Variants in MTRF1 observed in about 807,000 individuals in gnomAD.
MTRF1 encodes the protein mitochondrial translation release factor 1.
Under a neutral mutation model 62.9 loss-of-function variants are expected in MTRF1, and 51 were observed. The ratio of observed to expected loss-of-function variants is 0.81; its 90% CI spans 0.65 to 1.02. The LOEUF is 1.02. Among genes scored for constraint, MTRF1 ranks in the 50% least tolerant of loss-of-function variants. MTRF1 has a pLI of 0.00. For missense variants in MTRF1, 446 were observed against 530.0 expected (o/e 0.84, Z 1.56); for synonymous variants, 158 against 181.9 (o/e 0.87, Z 1.06).
intron 7 of MTRF1, 75 bp downstream of exon 7, chr13:41,233,815 A>C: frequency 8.5e-7 from 1 of 1,175,296 alleles, no homozygotes; most frequent in Non-Finnish European, 1.3e-6. Context: ...AGACACTCAT[A>C]TAGGACTATT....
At chr13:41,305,931 T>C in the MTRF1 span, among the ~76,000 whole-genome samples, 2 of 152,228 alleles carry the variant, frequency 1.3e-5, no homozygotes, top group Non-Finnish European at 2.9e-5. Flanking sequence ...TTTGTTTATG[T>C]GTTTATAATC....
the MTRF1 span, among the ~76,000 whole-genome samples, chr13:41,289,142 T>A: frequency 1.3e-5 from 2 of 152,036 alleles, no homozygotes; most frequent in Non-Finnish European, 2.9e-5. Context: ...TAAAAAAAAA[T>A]AATTTTTTTG....
In MTRF1 at chr13:41,255,198, A is replaced by G. The variant is rs750541045; in HGVS notation, c.416-578T>C. Among the ~76,000 whole-genome samples the G allele has an allele frequency of 2.6e-5, 4 of 152,194 alleles. No homozygotes were observed. The South Asian group carries it at 6.2e-4, about 24-fold the overall frequency. On this transcript the variant is annotated intron_variant, in intron 2 of 9. Transcript: ENST00000379480. ...ATTCTTAAAATCTCTTGATACATTC[A>G]TACTCAGTTCACATTGTTTTTTTTT... is the stretch of plus-strand genomic sequence containing the variant.
chr13:41,280,657 G>T, the MTRF1 span, among the ~76,000 whole-genome samples: 1 of 152,070 alleles, frequency 6.6e-6, no homozygotes, highest in Non-Finnish European at 1.5e-5. Context: ...AAACCAAGCT[G>T]TACCCTGACC....
At chr13:41,306,924 A>G in the MTRF1 span, among the ~76,000 whole-genome samples, 1 of 152,242 alleles carries the variant, frequency 6.6e-6, no homozygotes, top group African/African-American at 2.4e-5. Flanking sequence ...CCTGCTGTGA[A>G]ACACATTATC....
At chr13:41,219,492 A>C (rs1423172315) in intron 9 of MTRF1, among the ~76,000 whole-genome samples, 3 of 152,196 alleles carry the variant, frequency 2.0e-5, no homozygotes, top group African/African-American at 7.2e-5. Context: ...TAACAGTCTA[A>C]GTAGAACAGC....
the MTRF1 span, among the ~76,000 whole-genome samples, chr13:41,275,371 G>A: frequency 6.6e-6 from 1 of 151,650 alleles, no homozygotes; most frequent in Admixed American, 6.6e-5. Context: ...CGGCTAATTT[G>A]TTGTATTTTT....
At chr13:41,267,553 A>C (rs987252948), upstream of MTRF1, among the ~76,000 whole-genome samples, 1 of 152,194 alleles carries the variant, frequency 6.6e-6, no homozygotes, top group Non-Finnish European at 1.5e-5. Flanking sequence ...AAAAGGAAAA[A>C]TAAAAACTTT....
intron 1 of MTRF1, 107 bp from the exon 2 acceptor site, chr13:41,261,022 C>A: frequency 9.5e-7 from 1 of 1,056,920 alleles, no homozygotes; most frequent in Non-Finnish European, 1.3e-6. Flanking sequence ...ACTGCCTCAG[C>A]CAGCTCCACA....
At chr13:41,269,166 T>C in the MTRF1 span, among the ~76,000 whole-genome samples, 1 of 149,688 alleles carries the variant, frequency 6.7e-6, no homozygotes, top group African/African-American at 2.4e-5. Flanking sequence ...CTCTCTTATT[T>C]CCTGGTTCCT....
chr13:41,293,910 A>T, the MTRF1 span, among the ~76,000 whole-genome samples: 1 of 152,208 alleles, frequency 6.6e-6, no homozygotes, highest in African/African-American at 2.4e-5. Context: ...AATGATTCTC[A>T]TGATAAATAT....
chr13:41,218,516 T>A (rs1478710869), intron 9 of MTRF1, among the ~76,000 whole-genome samples: 3 of 152,216 alleles, frequency 2.0e-5, no homozygotes, highest in African/African-American at 7.2e-5. Flanking sequence ...ATAACTCCAC[T>A]GGGTGAAAAC....
At chr13:41,260,253 T>C (rs149777666) in intron 2 of MTRF1, among the ~76,000 whole-genome samples, 6 of 152,224 alleles carry the variant, frequency 3.9e-5, no homozygotes, top group African/African-American at 1.2e-4. Context: ...TAGTCCTAGC[T>C]ACTCAGGATG....
chr13:41,294,592 G>A, the MTRF1 span, among the ~76,000 whole-genome samples: 6 of 151,904 alleles, frequency 3.9e-5, no homozygotes, highest in African/African-American at 7.3e-5. Context: ...ATATGAAAAC[G>A]TATTTTTGGT....
chr13:41,234,886 G>C (rs1257314107), intron 6 of MTRF1, among the ~76,000 whole-genome samples: 2 of 152,152 alleles, frequency 1.3e-5, no homozygotes, highest in Admixed American at 6.5e-5. Context: ...CAGTGCTCTG[G>C]TTCTGGGGCC....
At chr13:41,259,990 A>G (rs1044794371) in intron 2 of MTRF1, among the ~76,000 whole-genome samples, 7 of 152,238 alleles carry the variant, frequency 4.6e-5, no homozygotes, top group Non-Finnish European at 7.3e-5. Context: ...GGTCTGCTCA[A>G]TAAAATAAAG....
intron 1 of MTRF1, among the ~76,000 whole-genome samples, chr13:41,262,731 CAGG>C (rs2040604172): frequency 6.6e-6 from 1 of 152,170 alleles, no homozygotes; most frequent in South Asian, 2.1e-4. Context: ...GAGACTGAGG[CAGG>C]AGGATCACTT....
chr13:41,236,428 A>AT (rs1411476862), intron 6 of MTRF1: 1 of 152,040 alleles, frequency 6.6e-6, no homozygotes, highest in Admixed American at 6.6e-5. Context: ...CAAATATGCT[A>AT]TTTTTTAGGG....
chr13:41,275,490 G>A, the MTRF1 span, among the ~76,000 whole-genome samples: 11 of 139,980 alleles, frequency 7.9e-5, no homozygotes, highest in East Asian at 2.1e-4. Context: ...ATGTGCCACC[G>A]TGCCCGGCTT....
Sources: gnomAD v4.1 joint callset for allele counts (sites outside exome capture counted in the v4.1 genomes callset) on GRCh38, gnomAD v4.1.1 for gene constraint, MANE v1.5 for transcripts, NCBI Gene and HGNC (gene_info 2026-07-23, HGNC 2026-07-21) for gene names.